Variants in LAMC1 observed in about 807,000 individuals in gnomAD.
LAMC1 encodes the protein laminin subunit gamma 1, also known as laminin subunit gamma-1.
In LAMC1, 38 loss-of-function variants were observed where a neutral mutation model predicts 173.6. The observed-to-expected ratio is 0.22, with a 90% confidence interval of 0.17 to 0.29. LAMC1 has a LOEUF of 0.29. LAMC1 is among the 10% of genes least tolerant of loss of function. LAMC1 has a pLI of 1.00. For synonymous variants in LAMC1, 746 were observed against 749.1 expected (o/e 1.00, Z 0.07); for missense variants, 1,824 against 2,051.8 (o/e 0.89, Z 2.14).
chr1:183,066,723 C>T lies in LAMC1; in HGVS notation c.419-36605C>T, dbSNP rs181095785. On this transcript the variant is annotated intron_variant, in intron 1 of 27. Transcript: ENST00000258341. ...CACAGGAACAGAAAACCAAACACTG[C>T]ATGTTCTCACTCATAAGTGGGAGTT... Among the ~76,000 whole-genome samples, 185 of 152,248 alleles carry T rather than the reference C, an allele frequency of 1.2e-3. 1 individual carries two copies. The highest frequency in any genetic ancestry group is 2.2e-4 in the Non-Finnish European group (15 of 68,034).
At chr1:183,063,664 T>C (rs1055774853) in intron 1 of LAMC1, among the ~76,000 whole-genome samples, 1 of 152,212 alleles carries the variant, frequency 6.6e-6, no homozygotes, top group African/African-American at 2.4e-5. Flanking sequence ...CATGTATTTT[T>C]TCTGCAGAAA....
At position 183,117,702 on chromosome 1, in the gene LAMC1, C is replaced by A; in HGVS notation, c.1856C>A (p.Thr619Asn). ...CAGGGCAATTCCTATCCAAGTGAGA[C>A]CACTGTGAAGTATGTCTTCAGGTAA... is the stretch of plus-strand genomic sequence containing the variant. ...IAQGNSYPSE[T>N]TVKYVFRLHE... is the part of the protein sequence containing the mutation. Residue 619 changes from threonine to asparagine, a missense_variant, in exon 10 of 28, where the codon ACC (threonine) becomes AAC (asparagine). Transcript: ENST00000258341. The A allele has an allele frequency of 6.2e-7, 1 of 1,613,988 alleles. No homozygotes were observed. The highest frequency in any genetic ancestry group is 1.3e-5 in the African/African-American group (1 of 75,034).
At chr1:183,095,092 G>A (rs566236878) in intron 1 of LAMC1, among the ~76,000 whole-genome samples, 12 of 152,080 alleles carry the variant, frequency 7.9e-5, no homozygotes, top group Non-Finnish European at 1.3e-4. Flanking sequence ...GTGATCTCCC[G>A]CCTTGGCCTC....
chr1:183,023,591 C>T lies in LAMC1; in HGVS notation c.-126C>T, dbSNP rs1653591066. 2 of 682,564 alleles carry T rather than the reference C, an allele frequency of 2.9e-6. No individual in the cohort carries two copies. Among genetic ancestry groups the T allele is most frequent in the Non-Finnish European group, 3.8e-6 (2 of 521,978 alleles). The allele number at this position is 682,564 out of a possible 1,614,324, so 42.3% of individuals were successfully genotyped here. On this transcript the variant is annotated 5_prime_UTR_variant, in exon 1 of 28. Coordinates refer to ENST00000258341, the MANE Select transcript of LAMC1 (RefSeq NM_002293.4). ...TCCGGCGCGAGCCGCCGCCACCGCCCGCGCCGGAGTCAGGCCCCTGGGCCC... is the reference window on the plus strand; with the variant it reads ...TCCGGCGCGAGCCGCCGCCACCGCCTGCGCCGGAGTCAGGCCCCTGGGCCC...
intron 1 of LAMC1, among the ~76,000 whole-genome samples, chr1:183,071,225 A>G (rs973059308): frequency 1.3e-5 from 2 of 152,036 alleles, no homozygotes; most frequent in African/African-American, 2.4e-5. Context: ...AAGGAAGACA[A>G]TGAGTAACTT....
At chr1:183,134,325 A>C (rs1047972978) in intron 22 of LAMC1, among the ~76,000 whole-genome samples, 4 of 152,350 alleles carry the variant, frequency 2.6e-5, no homozygotes, top group African/African-American at 9.6e-5. Context: ...GATAAAAATC[A>C]GAACAATGGC....
At chr1:183,071,506 G>T (rs935339856) in intron 1 of LAMC1, among the ~76,000 whole-genome samples, 1 of 151,942 alleles carries the variant, frequency 6.6e-6, no homozygotes, top group African/African-American at 2.4e-5. Flanking sequence ...TTGCCTGCTT[G>T]CTAAGCTTTG....
intron 1 of LAMC1, among the ~76,000 whole-genome samples, chr1:183,032,887 C>T (rs1162306315): frequency 6.6e-6 from 1 of 151,812 alleles, no homozygotes; most frequent in Non-Finnish European, 1.5e-5. Context: ...CTTTTTTTTC[C>T]CATCTTCTTT....
intron 1 of LAMC1, among the ~76,000 whole-genome samples, chr1:183,080,638 T>C (rs1321107960): frequency 6.6e-6 from 1 of 152,120 alleles, no homozygotes. Flanking sequence ...AGAGGTTTTG[T>C]TTCTTCCTGT....
At chr1:183,124,238 C>G (rs1165814975) in intron 13 of LAMC1, among the ~76,000 whole-genome samples, 1 of 152,212 alleles carries the variant, frequency 6.6e-6, no homozygotes, top group Non-Finnish European at 1.5e-5. Context: ...GGGAAACTTA[C>G]AGTGTCAAGA....
At chr1:183,054,712 G>T (rs1654538103) in intron 1 of LAMC1, among the ~76,000 whole-genome samples, 1 of 152,158 alleles carries the variant, frequency 6.6e-6, no homozygotes, top group South Asian at 2.1e-4. Flanking sequence ...TCTACTTTAT[G>T]CTAGACACAG....
At chr1:183,034,606 A>G (rs1653931740) in intron 1 of LAMC1, among the ~76,000 whole-genome samples, 1 of 152,206 alleles carries the variant, frequency 6.6e-6, no homozygotes, top group Admixed American at 6.5e-5. Context: ...GAGAATACCT[A>G]CAGAGCATTT....
chr1:183,080,190 G>C (rs1655232394), intron 1 of LAMC1, among the ~76,000 whole-genome samples: 1 of 152,192 alleles, frequency 6.6e-6, no homozygotes, highest in Non-Finnish European at 1.5e-5. Context: ...GTTGCAGTGA[G>C]CCGAGATTAT....
At chr1:183,142,099 C>T (rs1044522286) in intron 27 of LAMC1, among the ~76,000 whole-genome samples, 4 of 152,182 alleles carry the variant, frequency 2.6e-5, no homozygotes, top group African/African-American at 9.6e-5. Context: ...GACCCATCTT[C>T]CCTGGAATCT....
At chr1:183,093,393 T>A (rs1464939655) in intron 1 of LAMC1, among the ~76,000 whole-genome samples, 2 of 152,152 alleles carry the variant, frequency 1.3e-5, no homozygotes, top group Non-Finnish European at 2.9e-5. Flanking sequence ...CTTTTTAAAA[T>A]TTGGCTTCTG....
intron 26 of LAMC1, among the ~76,000 whole-genome samples, 159 bp from the exon 27 acceptor site, chr1:183,140,245 C>CAAAAAAAACAAAAAAAAAAA: frequency 1.9e-5 from 1 of 52,936 alleles, no homozygotes; most frequent in Non-Finnish European, 3.4e-5. Context: ...GCAGCCCCAC[C>CAAAAAAAACAAAAAAAAAAA]AAAAAAAAAA....
intron 21 of LAMC1, 39 bp from the exon 22 acceptor site, chr1:183,133,367 A>T (rs758753082): frequency 5.7e-6 from 9 of 1,573,080 alleles, no homozygotes; most frequent in Non-Finnish European, 7.8e-6. Flanking sequence ...TGCTAAAAGC[A>T]GCTAAGATTG....
Position 183,042,252 on chromosome 1 carries a change from T to C in LAMC1, c.418+18118T>C, listed in dbSNP as rs547765020. Among the ~76,000 whole-genome samples, 16 of 152,288 alleles carry C rather than the reference T, an allele frequency of 1.1e-4. No homozygotes were observed. The East Asian group carries it at 3.1e-3, about 29-fold the overall frequency. On this transcript the variant is annotated intron_variant, in intron 1 of 27. Coordinates refer to ENST00000258341, the MANE Select transcript of LAMC1 (RefSeq NM_002293.4). ...TAGGGTATCATTCTTATGTGCCTGG[T>C]TGAGGCTGGGTGATAGGCCCCTGTG...
intron 1 of LAMC1, among the ~76,000 whole-genome samples, chr1:183,056,379 A>G (rs1267967819): frequency 6.6e-6 from 1 of 152,166 alleles, no homozygotes; most frequent in Non-Finnish European, 1.5e-5. Context: ...GACGCTTGCC[A>G]TATATGGGCT....
Sources: allele counts gnomAD v4.1 joint callset (sites outside exome capture counted in the v4.1 genomes callset), GRCh38; gene constraint gnomAD v4.1.1; transcripts MANE v1.5; gene names NCBI Gene and HGNC (gene_info 2026-07-23, HGNC 2026-07-21).